VPS13B: variants seen among roughly 807,000 people sequenced by gnomAD.
VPS13B encodes the protein intermembrane lipid transfer protein VPS13B.
In VPS13B, 285 loss-of-function variants were observed where a neutral mutation model predicts 426.4. That is an observed-to-expected ratio of 0.67 (90% CI 0.61 to 0.74). The LOEUF (loss-of-function observed/expected upper bound fraction) is 0.74. VPS13B is among the 30% of genes least tolerant of loss of function. The pLI, the probability that VPS13B is intolerant of heterozygous loss-of-function variation, is 0.00. For synonymous variants in VPS13B, 1,676 were observed against 1,676.4 expected, an observed-to-expected ratio of 1.00 and a Z score of 0.01; for missense variants, 4,537 against 4,782.6, an observed-to-expected ratio of 0.95 and a Z score of 1.51.
intron 40 of VPS13B, among the ~76,000 whole-genome samples, chr8:99,768,293 G>GA (rs1244176229): frequency 1.3e-5 from 2 of 151,772 alleles, no homozygotes; most frequent in Admixed American, 6.6e-5. Flanking sequence ...GACAGTAACA[G>GA]AAAAAAAACC....
intron 8 of VPS13B, among the ~76,000 whole-genome samples, chr8:99,125,124 A>G (rs1848134687): frequency 6.6e-6 from 1 of 152,176 alleles, no homozygotes; most frequent in Non-Finnish European, 1.5e-5. Flanking sequence ...GCCGTCTGCA[A>G]GTTGAGGAGC....
chr8:99,205,440 A>G (rs1008295011), intron 17 of VPS13B, among the ~76,000 whole-genome samples: 3 of 152,188 alleles, frequency 2.0e-5, no homozygotes, highest in African/African-American at 4.8e-5. Flanking sequence ...CCACCATGGT[A>G]CGTGTATACC....
chr8:99,369,922 A>T (rs1326831493), intron 19 of VPS13B, among the ~76,000 whole-genome samples: 2 of 152,228 alleles, frequency 1.3e-5, no homozygotes, highest in Admixed American at 1.3e-4. Flanking sequence ...ACCCTGAAAC[A>T]TTGGAAACTA....
intron 24 of VPS13B, among the ~76,000 whole-genome samples, chr8:99,476,809 G>A (rs1819716647): frequency 6.6e-6 from 1 of 152,148 alleles, no homozygotes. Flanking sequence ...CTGCATACAG[G>A]AAGTACTAAG....
chr8:99,198,505 G>C (rs1431501184), intron 17 of VPS13B, among the ~76,000 whole-genome samples: 1 of 151,868 alleles, frequency 6.6e-6, no homozygotes, highest in Non-Finnish European at 1.5e-5. Context: ...AATGGACTGT[G>C]CTATGAAAAA....
At chr8:99,743,808 C>G (rs1258710079) in intron 39 of VPS13B, among the ~76,000 whole-genome samples, 1 of 152,154 alleles carries the variant, frequency 6.6e-6, no homozygotes, top group Non-Finnish European at 1.5e-5. Context: ...TTCCTTACAC[C>G]TTATACAAAA....
chr8:99,830,872 C>T (rs756833282), intron 51 of VPS13B, among the ~76,000 whole-genome samples: 10 of 152,074 alleles, frequency 6.6e-5, no homozygotes, highest in African/African-American at 1.9e-4. Flanking sequence ...TGATCCCTTG[C>T]GCTTCCCGGG....
At chr8:99,676,493 G>A (rs867379806) in intron 35 of VPS13B, among the ~76,000 whole-genome samples, 3 of 152,074 alleles carry the variant, frequency 2.0e-5, no homozygotes, top group Middle Eastern at 3.4e-3. Context: ...GCCCAGTGGT[G>A]GAGACCAAGA....
Position 99,743,814 on chromosome 8 carries a change from C to A in VPS13B, c.7050+22767C>A, listed in dbSNP as rs1332479615. Among the ~76,000 whole-genome samples the A allele has an allele frequency of 2.6e-5, 4 of 152,156 alleles. No individual in the cohort carries two copies. In the East Asian group the frequency reaches 7.7e-4, roughly 29 times the overall value. ...CTCAATCCCTTCCTTACACCTTATA[C>A]AAAAATTAATTCAAGATGGATTAAA... On this transcript the variant is annotated intron_variant, in intron 39 of 61. Coordinates refer to ENST00000357162, the MANE Select transcript of VPS13B (RefSeq NM_152564.5).
At chr8:99,705,742 A>T (rs867504139) in intron 36 of VPS13B, among the ~76,000 whole-genome samples, 9 of 152,226 alleles carry the variant, frequency 5.9e-5, no homozygotes, top group Middle Eastern at 3.4e-3. Context: ...TTTTTGTTTT[A>T]GTGCTGTGTG....
intron 17 of VPS13B, among the ~76,000 whole-genome samples, chr8:99,265,974 T>G (rs1361333818): frequency 6.6e-6 from 1 of 152,244 alleles, no homozygotes; most frequent in Non-Finnish European, 1.5e-5. Context: ...AAATAATTTC[T>G]TAATAGTCTT....
chr8:99,400,972 T>C, intron 21 of VPS13B, among the ~76,000 whole-genome samples: 1 of 152,170 alleles, frequency 6.6e-6, no homozygotes, highest in East Asian at 1.9e-4. Context: ...GTACCCAGCC[T>C]GTATGGTATT....
Position 99,419,148 on chromosome 8 carries a change from C to G in VPS13B, c.3083-12389C>G, listed in dbSNP as rs540144517. Among the ~76,000 whole-genome samples the G allele has an allele frequency of 3.0e-3, 462 of 152,226 alleles. 5 individuals carry two copies. The highest frequency in any genetic ancestry group is 5.4e-3 in the Non-Finnish European group (368 of 68,016). ...TAGTTTCTAAAGGTTTAACAACATCCCCCTAGTGCTGTCTCCTGGTAGAGT... is the reference window on the plus strand; with the variant it reads ...TAGTTTCTAAAGGTTTAACAACATCGCCCTAGTGCTGTCTCCTGGTAGAGT... On this transcript the variant is annotated intron_variant, in intron 21 of 61. Coordinates refer to ENST00000357162, the MANE Select transcript of VPS13B (RefSeq NM_152564.5).
intron 17 of VPS13B, among the ~76,000 whole-genome samples, chr8:99,251,600 G>A (rs575974938): frequency 3.9e-5 from 6 of 152,112 alleles, no homozygotes; most frequent in Admixed American, 1.3e-4. Context: ...TGATAAGTTC[G>A]TATTTATATT....
intron 8 of VPS13B, among the ~76,000 whole-genome samples, chr8:99,126,618 T>G (rs1265447184): frequency 6.6e-6 from 1 of 152,208 alleles, no homozygotes; most frequent in East Asian, 1.9e-4. Context: ...AAATTAAATC[T>G]TCAGACAACT....
At chr8:99,540,675 C>G (rs1167420915) in intron 30 of VPS13B, among the ~76,000 whole-genome samples, 1 of 152,102 alleles carries the variant, frequency 6.6e-6, no homozygotes, top group Non-Finnish European at 1.5e-5. Context: ...ATTTTTGAAA[C>G]TGAAGAATTT....
In VPS13B at chr8:99,135,037, T is replaced by C. The variant is rs1013524792; in HGVS notation, c.1325T>C (p.Phe442Ser). 1 of 1,613,500 alleles carries C rather than the reference T, an allele frequency of 6.2e-7. No individual in the cohort carries two copies. Among genetic ancestry groups the C allele is most frequent in the Non-Finnish European group, 8.5e-7 (1 of 1,179,622 alleles). The change falls in exon 10 of 62, where the codon TTC (phenylalanine) becomes TCC (serine). Residue 442 changes from phenylalanine (F) to serine (S), a missense_variant. This residue lies in a region of VPS13B where 4,311 missense variants were observed against 4,474.3 expected (regional missense o/e 0.96). Coordinates refer to ENST00000357162, the MANE Select transcript of VPS13B (RefSeq NM_152564.5). ...TVEALMMGEPFFDCQIGFVGC... is the reference protein window; with the variant it reads ...TVEALMMGEPSFDCQIGFVGC... ...TAGGCCCTTATGATGGGAGAACCTTTCTTTGATTGCCAGATTGGGTTTGTT... is the reference window on the plus strand; with the variant it reads ...TAGGCCCTTATGATGGGAGAACCTTCCTTTGATTGCCAGATTGGGTTTGTT...
intron 3 of VPS13B, among the ~76,000 whole-genome samples, chr8:99,056,796 C>T (rs563645448): frequency 4.6e-5 from 7 of 152,300 alleles, no homozygotes; most frequent in East Asian, 1.9e-4. Context: ...TGGCCTTAAA[C>T]ATGTAGATGA....
At chr8:99,049,395 ACTCT>A (rs773775435) in intron 3 of VPS13B, among the ~76,000 whole-genome samples, 1 of 151,028 alleles carries the variant, frequency 6.6e-6, no homozygotes, top group Non-Finnish European at 1.5e-5. Flanking sequence ...TCTGAAAAAG[ACTCT>A]ATCTTTCCTT....
Sources: gnomAD v4.1 joint callset for allele counts (sites outside exome capture counted in the v4.1 genomes callset) on GRCh38, gnomAD v4.1.1 for gene constraint, gnomAD v4.1.1 regional missense constraint, MANE v1.5 for transcripts, NCBI Gene and HGNC (gene_info 2026-07-23, HGNC 2026-07-21) for gene names.